Variants in CELF2 observed in about 807,000 individuals in gnomAD.
The protein encoded by CELF2 is CUG triplet repeat RNA-binding protein 2.
Under a neutral mutation model 62.6 loss-of-function variants are expected in CELF2, and 8 were observed. That is an observed-to-expected ratio of 0.13 (90% confidence interval 0.07 to 0.23). The LOEUF (loss-of-function observed/expected upper bound fraction) is 0.23, where lower values mean the gene tolerates loss of function less well. Ranked by LOEUF, CELF2 falls within the 10% of genes least tolerant of loss-of-function variation. CELF2 has a pLI of 1.00. For synonymous variants in CELF2, 258 were observed against 250.0 expected, an observed-to-expected ratio of 1.03 and a Z score of -0.30; for missense variants, 333 against 671.0, an observed-to-expected ratio of 0.50 and a Z score of 5.56.
At chr10:10,827,098 G>GTTGTTTGT (rs147677000) in intron 1 of CELF2, among the ~76,000 whole-genome samples, 18 of 151,320 alleles carry the variant, frequency 1.2e-4, no homozygotes, top group African/African-American at 3.4e-4. Context: ...ATCAAAGAGG[G>GTTGTTTGT]TTGTTTGTTT....
the CELF2 span, among the ~76,000 whole-genome samples, chr10:10,685,798 A>G: frequency 6.6e-6 from 1 of 152,218 alleles, no homozygotes; most frequent in African/African-American, 2.4e-5. Context: ...TGAGCTAAAT[A>G]AAGAGAAGAA....
At chr10:11,037,351 G>A (rs2061128020) in intron 1 of CELF2, among the ~76,000 whole-genome samples, 1 of 152,206 alleles carries the variant, frequency 6.6e-6, no homozygotes, top group Admixed American at 6.5e-5. Flanking sequence ...TGACATGTGG[G>A]GGTCATTACA....
rs938443253 is a variant in CELF2, at chr10:11,285,099, T to C, written c.842-3319T>C. Among the ~76,000 whole-genome samples, 7 of 145,176 alleles carry C rather than the reference T, an allele frequency of 4.8e-5. No homozygotes were observed. Among genetic ancestry groups the C allele is most frequent in the Admixed American group, 2.0e-4 (3 of 14,784 alleles). Reference sequence around the variant, plus strand: ...GCGGAATGATGGATGGATGGATGGGTGGGTGGGTGGATGGGCGGATGATGG... The same window carrying C: ...GCGGAATGATGGATGGATGGATGGGCGGGTGGGTGGATGGGCGGATGATGG... On this transcript the variant is annotated intron_variant, in intron 8 of 12. Coordinates refer to ENST00000633077, the MANE Select transcript of CELF2 (RefSeq NM_001326342.2). The surrounding 1 kb of genome is among the most constrained non-coding windows in gnomAD (Gnocchi z 4.3).
chr10:10,906,717 C>CTTTTTTT (rs397846553), intron 1 of CELF2, among the ~76,000 whole-genome samples: 237 of 109,222 alleles, frequency 2.2e-3, no homozygotes, highest in East Asian at 7.8e-3. Flanking sequence ...TTTTTCTTTT[C>CTTTTTTT]TTTTTTTTTT....
intron 1 of CELF2, among the ~76,000 whole-genome samples, chr10:11,050,182 C>T (rs1421886471): frequency 6.6e-6 from 1 of 152,204 alleles, no homozygotes; most frequent in African/African-American, 2.4e-5. Flanking sequence ...TAATGAGCCA[C>T]AGAAAATGTG....
the CELF2 span, among the ~76,000 whole-genome samples, chr10:10,578,985 A>G: frequency 1.3e-5 from 2 of 152,048 alleles, no homozygotes; most frequent in Admixed American, 1.3e-4. Context: ...AGACATAGGA[A>G]CTCTATTTCC....
chr10:10,774,574 T>C, the CELF2 span, among the ~76,000 whole-genome samples: 3 of 152,248 alleles, frequency 2.0e-5, no homozygotes, highest in African/African-American at 7.2e-5. Flanking sequence ...ATGTGAGATG[T>C]GCTGGCTTCC....
In CELF2 at chr10:11,224,519, T is replaced by TG. The variant is rs2065860251; in HGVS notation, c.354+7017dup. On this transcript the variant is annotated intron_variant, in intron 3 of 12. Transcript: ENST00000633077. The surrounding 1 kb of genome is among the most constrained non-coding windows in gnomAD (Gnocchi z 4.5). Reference sequence around the variant, plus strand: ...TTGATAGGATTTCAAAAGAAGATTGTGGGGGAGGCGGGGGATCCATGAATT... The same window carrying TG: ...TTGATAGGATTTCAAAAGAAGATTGTGGGGGGAGGCGGGGGATCCATGAATT... Among the ~76,000 whole-genome samples, 1 of 151,932 alleles carries TG rather than the reference T, an allele frequency of 6.6e-6. No individual in the cohort carries two copies. Among genetic ancestry groups the TG allele is most frequent in the South Asian group, 2.1e-4 (1 of 4,802 alleles).
the CELF2 span, among the ~76,000 whole-genome samples, chr10:10,658,803 C>A: frequency 6.6e-6 from 1 of 152,158 alleles, no homozygotes; most frequent in Non-Finnish European, 1.5e-5. Context: ...TTGATCATTA[C>A]AGTCTTGGTG....
chr10:10,593,440 A>G, the CELF2 span, among the ~76,000 whole-genome samples: 1 of 152,328 alleles, frequency 6.6e-6, no homozygotes, highest in Admixed American at 6.5e-5. Flanking sequence ...TCAGAGATCC[A>G]TGAGTATGCA....
In CELF2 at chr10:11,268,325, G is replaced by T. The variant is rs2082726077; in HGVS notation, c.618+1648G>T. The stretch of plus-strand genomic sequence containing the variant: ...AATTTAGTGATGTGTACCCAAATTG[G>T]TCTCACCTGAGATAATTTTGAACCT... On this transcript the variant is annotated intron_variant, in intron 6 of 12. Transcript: ENST00000633077. The surrounding 1 kb of genome is among the most constrained non-coding windows in gnomAD (Gnocchi z 4.7). Among the ~76,000 whole-genome samples, 1 of 151,948 alleles carries T rather than the reference G, an allele frequency of 6.6e-6. No individual in the cohort carries two copies. The highest frequency in any genetic ancestry group is 2.1e-4 in the South Asian group (1 of 4,810).
At chr10:10,897,373 G>C (rs1321059096) in intron 1 of CELF2, among the ~76,000 whole-genome samples, 2 of 152,182 alleles carry the variant, frequency 1.3e-5, no homozygotes, top group Non-Finnish European at 2.9e-5. Flanking sequence ...AACAAACTTG[G>C]GAATTTAGCT....
At chr10:10,731,037 G>T in the CELF2 span, among the ~76,000 whole-genome samples, 2 of 152,244 alleles carry the variant, frequency 1.3e-5, no homozygotes, top group East Asian at 3.9e-4. Context: ...GCCTTGCTTT[G>T]CCTGTTAAAA....
the CELF2 span, among the ~76,000 whole-genome samples, chr10:10,666,590 C>CTT: frequency 7.9e-5 from 6 of 75,878 alleles, no homozygotes; most frequent in African/African-American, 2.7e-4. Flanking sequence ...AGGCCGGGCG[C>CTT]GGTGGCTCAC....
intron 2 of CELF2, among the ~76,000 whole-genome samples, chr10:11,190,692 G>A (rs1266867130): frequency 7.2e-6 from 1 of 138,210 alleles, no homozygotes; most frequent in Non-Finnish European, 1.5e-5. Flanking sequence ...AAATCTCCCT[G>A]AAATACTGAA....
At position 11,005,600 on chromosome 10, in the gene CELF2, G is replaced by A. The variant is rs201112; in HGVS notation, c.53+160G>A. 0.11 allele frequency among the ~76,000 whole-genome samples: 17,151 copies of A among 152,122 alleles called. 3,220 individuals are homozygous for A. Among genetic ancestry groups the A allele is most frequent in the African/African-American group, 0.39 (16,150 of 41,378 alleles). On this transcript the variant is annotated intron_variant, in intron 1 of 12. Coordinates refer to the CELF2 transcript ENST00000416382. The surrounding 1 kb of genome is among the most constrained non-coding windows in gnomAD (Gnocchi z 4.3). ...GAGGGAGATGAAATCGAGACCCAGAGATTGGGAGAAAGAGAGAGCCAGCGA... is the reference window on the plus strand; with the variant it reads ...GAGGGAGATGAAATCGAGACCCAGAAATTGGGAGAAAGAGAGAGCCAGCGA...
In CELF2 at chr10:11,157,349, T is replaced by G. The variant is rs1038579946; in HGVS notation, c.75-8137T>G. The stretch of plus-strand genomic sequence containing the variant: ...CAATGCCATTGCCAACTAGGTGAAA[T>G]GGTATAGCCTGTTGTCTTTTGACTT... On this transcript the variant is annotated intron_variant, in intron 1 of 12. Coordinates refer to ENST00000633077, the MANE Select transcript of CELF2 (RefSeq NM_001326342.2). The surrounding 1 kb of genome is among the most constrained non-coding windows in gnomAD (Gnocchi z 4.9). 5.3e-5 allele frequency among the ~76,000 whole-genome samples: 8 copies of G among 151,990 alleles called. No homozygotes were observed. Among genetic ancestry groups the G allele is most frequent in the Non-Finnish European group, 1.0e-4 (7 of 67,996 alleles).
At position 11,181,953 on chromosome 10, in the gene CELF2, G is replaced by A. The variant is rs531641211; in HGVS notation, c.271+16271G>A. On this transcript the variant is annotated intron_variant, in intron 2 of 12. Coordinates refer to ENST00000633077, the MANE Select transcript of CELF2 (RefSeq NM_001326342.2). ...TTGCATTCCTGGTTTTGAATCAGCT[G>A]ATGGGCACTCCATGGAGCATGAAAA... Among the ~76,000 whole-genome samples the A allele has an allele frequency of 2.0e-5, 3 of 152,360 alleles. No individual in the cohort carries two copies. In the East Asian group the frequency reaches 5.8e-4, roughly 29 times the overall value.
In CELF2 at chr10:10,923,474, G is replaced by A. The variant is rs116968571; in HGVS notation, c.89+3475G>A. Among the ~76,000 whole-genome samples, 653 of 152,308 alleles carry A rather than the reference G, an allele frequency of 4.3e-3. 1 individual carries two copies. The highest frequency in any genetic ancestry group is 6.9e-3 in the Non-Finnish European group (471 of 68,024). ...TGGATAATATTCTGTGAAAATGTGCGCATGCTGTAGCAGTGGATTGCGTCT... is the reference window on the plus strand; with the variant it reads ...TGGATAATATTCTGTGAAAATGTGCACATGCTGTAGCAGTGGATTGCGTCT... On this transcript the variant is annotated intron_variant, in intron 2 of 13. Transcript: ENST00000636488.
Sources: gnomAD v4.1 joint callset for allele counts (sites outside exome capture counted in the v4.1 genomes callset) on GRCh38, gnomAD v4.1.1 for gene constraint, Gnocchi (gnomAD v3.1) non-coding constraint, MANE v1.5 for transcripts, NCBI Gene and HGNC (gene_info 2026-07-23, HGNC 2026-07-21) for gene names.